The following MAP3K7CL variants were observed in gnomAD, a reference collection of about 807,000 sequenced individuals.
MAP3K7CL encodes MAP3K7 C-terminal-like protein.
MAP3K7CL carries 16 observed loss-of-function variants against 18.6 expected under a neutral mutation model. That is an observed-to-expected ratio of 0.86 (90% CI 0.58 to 1.31). MAP3K7CL has a LOEUF of 1.31. MAP3K7CL is among the 50% of genes most tolerant of loss of function. MAP3K7CL has a pLI of 0.00. For missense variants in MAP3K7CL, 163 were observed against 174.4 expected, an observed-to-expected ratio of 0.93 and a Z score of 0.37; for synonymous variants, 65 against 66.8, an observed-to-expected ratio of 0.97 and a Z score of 0.13.
At chr21:29,098,853 C>T (rs2086170007) in intron 4 of MAP3K7CL, among the ~76,000 whole-genome samples, 1 of 152,144 alleles carries the variant, frequency 6.6e-6, no homozygotes, top group Non-Finnish European at 1.5e-5. Flanking sequence ...TCTTTCTCTA[C>T]CTTATCTGCT....
At chr21:29,122,612 G>A (rs765238307) in intron 4 of MAP3K7CL, among the ~76,000 whole-genome samples, 3 of 152,288 alleles carry the variant, frequency 2.0e-5, no homozygotes, top group South Asian at 2.1e-4. Context: ...CCGTCAAGCC[G>A]TCCCTCTTAA....
intron 1 of MAP3K7CL, among the ~76,000 whole-genome samples, chr21:29,079,753 A>G (rs548740141): frequency 3.3e-5 from 5 of 152,266 alleles, no homozygotes; most frequent in South Asian, 2.1e-4. Flanking sequence ...TCAGAGTTTC[A>G]AGAATAGTCC....
upstream of MAP3K7CL, among the ~76,000 whole-genome samples, chr21:29,082,533 A>G (rs62222379): frequency 8.0e-3 from 1,213 of 152,290 alleles, 10 homozygotes; most frequent in South Asian, 0.02. Flanking sequence ...TGTGCATCAC[A>G]TGGTCTCAGC....
At chr21:29,148,020 ATATG>A (rs1353068643) in intron 2 of MAP3K7CL, among the ~76,000 whole-genome samples, 1 of 151,942 alleles carries the variant, frequency 6.6e-6, no homozygotes, top group East Asian at 1.9e-4. Context: ...TATGTACTGT[ATATG>A]TATCTGTACT....
At chr21:29,113,429 C>G (rs1438403902) in intron 4 of MAP3K7CL, among the ~76,000 whole-genome samples, 1 of 152,174 alleles carries the variant, frequency 6.6e-6, no homozygotes, top group Non-Finnish European at 1.5e-5. Context: ...AGGCCTTCCC[C>G]CATCTCTCTT....
chr21:29,109,620 G>C (rs1199253221), intron 4 of MAP3K7CL: 1 of 997,406 alleles, frequency 1.0e-6, no homozygotes, highest in Non-Finnish European at 1.2e-6. Flanking sequence ...CCTCGTCACA[G>C]AGTTGATATA....
intron 4 of MAP3K7CL, among the ~76,000 whole-genome samples, chr21:29,119,768 T>G (rs2086562758): frequency 6.6e-6 from 1 of 151,312 alleles, no homozygotes; most frequent in Non-Finnish European, 1.5e-5. Flanking sequence ...GTTCAAGGGA[T>G]TCTCCTGCCT....
intron 2 of MAP3K7CL, among the ~76,000 whole-genome samples, chr21:29,136,191 C>G (rs2086881318): frequency 6.6e-6 from 1 of 152,218 alleles, no homozygotes; most frequent in Non-Finnish European, 1.5e-5. Flanking sequence ...ATACATGAGG[C>G]TGAGTGCACA....
intron 4 of MAP3K7CL, chr21:29,122,041 T>C (rs2086602597): frequency 6.6e-6 from 1 of 152,174 alleles, no homozygotes; most frequent in Admixed American, 6.5e-5. Context: ...ATGTGTCCCA[T>C]GTTCATGTTT....
At chr21:29,173,209 A>T (rs1010890380) in intron 4 of MAP3K7CL, among the ~76,000 whole-genome samples, 1 of 152,200 alleles carries the variant, frequency 6.6e-6, no homozygotes. Flanking sequence ...GTGTGTCCTA[A>T]GCTTTGGTCA....
intron 4 of MAP3K7CL, among the ~76,000 whole-genome samples, chr21:29,166,638 T>C (rs988797820): frequency 6.6e-6 from 1 of 152,218 alleles, no homozygotes; most frequent in Non-Finnish European, 1.5e-5. Context: ...GGACATTTCA[T>C]ACAAATGGAA....
chr21:29,167,614 T>C (rs1278177954), intron 4 of MAP3K7CL, among the ~76,000 whole-genome samples: 2 of 152,120 alleles, frequency 1.3e-5, no homozygotes, highest in African/African-American at 2.4e-5. Flanking sequence ...TAAACTGTGT[T>C]CTGAGGAGTC....
chr21:29,173,368 C>G (rs1462755378), intron 4 of MAP3K7CL, among the ~76,000 whole-genome samples: 3 of 152,182 alleles, frequency 2.0e-5, no homozygotes, highest in Non-Finnish European at 4.4e-5. Context: ...TCTTTGAAAT[C>G]ATATGTTAGA....
chr21:29,127,959 G>A (rs1450602246), upstream of MAP3K7CL: 1 of 152,234 alleles, frequency 6.6e-6, no homozygotes, highest in African/African-American at 2.4e-5. Context: ...GTGCAGAAAA[G>A]GAAGGTGCTA....
At chr21:29,099,118 G>A (rs1341452518) in intron 4 of MAP3K7CL, among the ~76,000 whole-genome samples, 1 of 151,918 alleles carries the variant, frequency 6.6e-6, no homozygotes, top group Non-Finnish European at 1.5e-5. Context: ...TTGAGACAGG[G>A]CCTGCTCTTT....
intron 4 of MAP3K7CL, among the ~76,000 whole-genome samples, chr21:29,118,467 G>C (rs2086540904): frequency 6.6e-6 from 1 of 152,022 alleles, no homozygotes; most frequent in Admixed American, 6.6e-5. Flanking sequence ...CTAAGGGCAA[G>C]GCACTGATCA....
chr21:29,130,376 C>G (rs1279373988), upstream of MAP3K7CL: 1 of 153,900 alleles, frequency 6.5e-6, no homozygotes, highest in East Asian at 1.9e-4. Context: ...TGTGGCCTGT[C>G]CAAGTTGGCT....
chr21:29,158,917 C>CTTTTT (rs36003464), intron 3 of MAP3K7CL, among the ~76,000 whole-genome samples: 5 of 100,434 alleles, frequency 5.0e-5, no homozygotes, highest in African/African-American at 2.0e-4. Context: ...AAAAGTAGTA[C>CTTTTT]TTTTTTTTTT....
intron 4 of MAP3K7CL, among the ~76,000 whole-genome samples, chr21:29,167,640 A>C (rs1366371396): frequency 6.7e-6 from 1 of 149,374 alleles, no homozygotes; most frequent in African/African-American, 2.5e-5. Context: ...CAGATTCGGG[A>C]GGGAGAGGGT....
Sources: allele counts gnomAD v4.1 joint callset (sites outside exome capture counted in the v4.1 genomes callset), GRCh38; gene constraint gnomAD v4.1.1; transcripts MANE v1.5; gene names NCBI Gene and HGNC (gene_info 2026-07-23, HGNC 2026-07-21).